MALRD1: variants seen among roughly 807,000 people sequenced by gnomAD.
The protein encoded by MALRD1 is MAM and LDL receptor class A domain containing 1.
A neutral mutation model predicts 242.1 loss-of-function variants in MALRD1; 247 were observed. The observed-to-expected ratio is 1.02, with a 90% CI of 0.92 to 1.13. The LOEUF (loss-of-function observed/expected upper bound fraction) is 1.13, where lower values mean the gene tolerates loss of function less well. MALRD1 is among the 50% of genes most tolerant of loss of function. The pLI, the probability that MALRD1 is intolerant of heterozygous loss-of-function variation, is 0.00. For missense variants in MALRD1, 2,989 were observed against 2,533.1 expected, an observed-to-expected ratio of 1.18 and a Z score of -3.86; for synonymous variants, 995 against 866.6, an observed-to-expected ratio of 1.15 and a Z score of -2.60.
intron 5 of MALRD1, among the ~76,000 whole-genome samples, chr10:19,111,219 A>G (rs1172058272): frequency 6.6e-6 from 1 of 152,186 alleles, no homozygotes; most frequent in Non-Finnish European, 1.5e-5. Flanking sequence ...TCACTACAGA[A>G]GTACAAAAGC....
chr10:19,231,052 C>T (rs35935809), intron 18 of MALRD1, among the ~76,000 whole-genome samples: 9,946 of 152,096 alleles, frequency 0.065, 391 homozygotes, highest in East Asian at 0.17. Flanking sequence ...CAAATCATGC[C>T]TCTCAGCTGA....
chr10:19,454,431 T>TATATATATATATATATATATAC (rs1011890675), intron 29 of MALRD1, among the ~76,000 whole-genome samples: 1 of 136,712 alleles, frequency 7.3e-6, no homozygotes, highest in African/African-American at 2.7e-5. Flanking sequence ...TATATATATA[T>TATATATATATATATATATATAC]AATTATATGA....
intron 36 of MALRD1, among the ~76,000 whole-genome samples, chr10:19,644,497 T>C (rs988817333): frequency 5.2e-5 from 8 of 152,396 alleles, no homozygotes; most frequent in African/African-American, 1.7e-4. Flanking sequence ...AGTTTGTGCT[T>C]CTGTAAGTAA....
intron 24 of MALRD1, among the ~76,000 whole-genome samples, chr10:19,335,323 A>C (rs1162614491): frequency 6.6e-6 from 1 of 152,084 alleles, no homozygotes; most frequent in African/African-American, 2.4e-5. Flanking sequence ...CAAACAAATC[A>C]GAATAAACCT....
chr10:19,377,797 C>G (rs1845673247), intron 26 of MALRD1, among the ~76,000 whole-genome samples: 2 of 151,842 alleles, frequency 1.3e-5, no homozygotes, highest in Admixed American at 1.3e-4. Context: ...TTTGCATTGC[C>G]AGTATTCTAT....
At chr10:19,129,397 G>T (rs185850343) in intron 8 of MALRD1, among the ~76,000 whole-genome samples, 1 of 152,252 alleles carries the variant, frequency 6.6e-6, no homozygotes, top group East Asian at 1.9e-4. Context: ...GGGAAGAGGG[G>T]TGGTGCTTCT....
At chr10:19,439,657 C>T (rs914161401) in intron 28 of MALRD1, among the ~76,000 whole-genome samples, 6 of 151,978 alleles carry the variant, frequency 3.9e-5, no homozygotes, top group Non-Finnish European at 7.4e-5. Context: ...TACTAATTAG[C>T]TGAAAATACA....
In MALRD1 at chr10:19,434,161, A is replaced by G. The variant is rs535514758; in HGVS notation, c.4846-16146A>G. Among the ~76,000 whole-genome samples the G allele has an allele frequency of 1.4e-4, 21 of 152,328 alleles. No individual in the cohort carries two copies. In the South Asian group the frequency reaches 4.3e-3, roughly 32 times the overall value. On this transcript the variant is annotated intron_variant, in intron 28 of 39. Coordinates refer to ENST00000454679, the MANE Select transcript of MALRD1 (RefSeq NM_001142308.3). The stretch of plus-strand genomic sequence containing the variant: ...CCCCAAATCTTCAAAGAAAAATGTC[A>G]GTAAATAAATATTTCAGATTTAAAG...
chr10:19,267,503 C>T (rs1443594024), intron 19 of MALRD1, among the ~76,000 whole-genome samples: 1 of 151,954 alleles, frequency 6.6e-6, no homozygotes, highest in Non-Finnish European at 1.5e-5. Flanking sequence ...CAGTGTCTCA[C>T]CAGCTTTATT....
chr10:19,281,043 C>G (rs1840778886), intron 20 of MALRD1, among the ~76,000 whole-genome samples: 1 of 152,106 alleles, frequency 6.6e-6, no homozygotes, highest in African/African-American at 2.4e-5. Flanking sequence ...TGAAGAAATT[C>G]TAGGACTTAA....
At chr10:19,510,607 CAT>C (rs1833355394) in intron 31 of MALRD1, among the ~76,000 whole-genome samples, 2 of 152,258 alleles carry the variant, frequency 1.3e-5, no homozygotes. Context: ...CGACACAGCA[CAT>C]GTTTCTGCGA....
intron 28 of MALRD1, among the ~76,000 whole-genome samples, chr10:19,445,616 A>C (rs1051968361): frequency 9.2e-5 from 14 of 152,200 alleles, no homozygotes; most frequent in African/African-American, 3.4e-4. Context: ...GCTGCAGAAC[A>C]GCAAATATTG....
chr10:19,667,327 A>G (rs530869999), intron 36 of MALRD1, among the ~76,000 whole-genome samples: 4 of 152,250 alleles, frequency 2.6e-5, no homozygotes, highest in Admixed American at 6.5e-5. Context: ...GGACTCAGTA[A>G]CAGCTTACTT....
intron 2 of MALRD1, among the ~76,000 whole-genome samples, chr10:19,077,717 T>C (rs1835360300): frequency 6.6e-6 from 1 of 151,936 alleles, no homozygotes; most frequent in Admixed American, 6.6e-5. Flanking sequence ...GATGACCTGC[T>C]GGAGTGACAC....
intron 32 of MALRD1, among the ~76,000 whole-genome samples, chr10:19,543,580 G>A (rs1172918880): frequency 2.6e-5 from 4 of 151,556 alleles, no homozygotes; most frequent in African/African-American, 7.3e-5. Flanking sequence ...GGCTTACTCC[G>A]CTTTTTGAGT....
intron 21 of MALRD1, among the ~76,000 whole-genome samples, chr10:19,317,462 G>A (rs112293467): frequency 1.4e-4 from 22 of 151,908 alleles, no homozygotes; most frequent in African/African-American, 5.3e-4. Flanking sequence ...TCAGACCATA[G>A]CAAGTTTTTT....
In MALRD1 at chr10:19,215,762, CAAATA is replaced by C. The variant is rs1837286772; in HGVS notation, c.2991+6084_2991+6088del. On this transcript the variant is annotated intron_variant, in intron 18 of 39. Coordinates refer to ENST00000454679, the MANE Select transcript of MALRD1 (RefSeq NM_001142308.3). ...TAGTATAAATAATAATTAGTATAAA[CAAATA>C]ATTTAGTATAATTAGTATAAATAAA... 2.0e-5 allele frequency among the ~76,000 whole-genome samples: 2 copies of C among 97,618 alleles called. 1 individual carries two copies. Among genetic ancestry groups the C allele is most frequent in the Non-Finnish European group, 4.9e-5 (2 of 40,944 alleles). 64.0% of individuals were successfully genotyped at this position (97,618 alleles called of 152,430 possible). A position where few individuals can be genotyped will look rare whatever the true frequency, so the allele number is the denominator to read the frequency against.
chr10:19,727,871 A>G (rs1421186599), intron 38 of MALRD1, among the ~76,000 whole-genome samples: 1 of 152,064 alleles, frequency 6.6e-6, no homozygotes, highest in Admixed American at 6.6e-5. Flanking sequence ...CCCTCATGTA[A>G]GGATCCACCA....
At chr10:19,670,534 C>T (rs189867325) in intron 36 of MALRD1, among the ~76,000 whole-genome samples, 2 of 152,238 alleles carry the variant, frequency 1.3e-5, no homozygotes, top group South Asian at 2.1e-4. Context: ...ACAAGAAAAA[C>T]ACAAAACAAC....
Sources: allele counts gnomAD v4.1 joint callset (sites outside exome capture counted in the v4.1 genomes callset), GRCh38; gene constraint gnomAD v4.1.1; transcripts MANE v1.5; gene names NCBI Gene and HGNC (gene_info 2026-07-23, HGNC 2026-07-21).